The following CDH13 variants were observed in gnomAD, a reference collection of about 807,000 sequenced individuals.
CDH13 encodes cadherin-13.
A neutral mutation model predicts 63.8 loss-of-function variants in CDH13; 24 were observed. The ratio of observed to expected loss-of-function variants is 0.38; its 90% CI spans 0.27 to 0.53. The LOEUF is 0.53. Among genes scored for constraint, CDH13 ranks in the 20% least tolerant of loss-of-function variants. CDH13 has a pLI of 0.85. For synonymous variants in CDH13, 503 were observed against 355.3 expected (o/e 1.42, Z -4.67); for missense variants, 1,049 against 903.1 (o/e 1.16, Z -2.07).
chr16:82,936,222 C>G (rs1010263285), intron 2 of CDH13, among the ~76,000 whole-genome samples: 3 of 152,098 alleles, frequency 2.0e-5, no homozygotes, highest in Non-Finnish European at 4.4e-5. Flanking sequence ...GTCTGCAGCT[C>G]AACTTTACAT....
At chr16:83,541,848 A>G (rs1261693330) in intron 7 of CDH13, among the ~76,000 whole-genome samples, 2 of 152,252 alleles carry the variant, frequency 1.3e-5, no homozygotes, top group Non-Finnish European at 2.9e-5. Context: ...ATGAGAATGT[A>G]TAGAGCCCTA....
intron 7 of CDH13, among the ~76,000 whole-genome samples, chr16:83,527,131 A>C (rs370215812): frequency 2.9e-4 from 9 of 31,452 alleles, no homozygotes; most frequent in African/African-American, 7.6e-4. Context: ...ACTCTGTCTC[A>C]AAAAAAAAAA....
intron 2 of CDH13, among the ~76,000 whole-genome samples, chr16:82,960,660 C>T (rs1406187328): frequency 7.2e-5 from 11 of 152,134 alleles, no homozygotes; most frequent in Admixed American, 5.9e-4. Flanking sequence ...GGTACGGTAA[C>T]CACAAGAACG....
chr16:82,979,924 C>T (rs1402210131), intron 2 of CDH13, among the ~76,000 whole-genome samples: 5 of 152,174 alleles, frequency 3.3e-5, no homozygotes, highest in Admixed American at 6.5e-5. Context: ...TTTGGGGCCA[C>T]TTCCTTGGGT....
chr16:83,786,940 G>A (rs538245054), intron 13 of CDH13, among the ~76,000 whole-genome samples: 1 of 152,190 alleles, frequency 6.6e-6, no homozygotes, highest in African/African-American at 2.4e-5. Flanking sequence ...AGGTAAAATT[G>A]CCTATGTTTC....
Position 82,875,391 on chromosome 16 carries a change from A to C in CDH13, c.157+16918A>C, listed in dbSNP as rs2040470254. Among the ~76,000 whole-genome samples, 2 of 152,214 alleles carry C rather than the reference A, an allele frequency of 1.3e-5. 1 individual carries two copies. Among genetic ancestry groups the C allele is most frequent in the South Asian group, 4.1e-4 (2 of 4,830 alleles). ...GACTAACTCAAGACTTTAAAGAAAG[A>C]TACTTAATTAAAATAGAAGGAAGTT... On this transcript the variant is annotated intron_variant, in intron 2 of 13. Transcript: ENST00000567109.
chr16:83,399,288 G>T (rs1032468430), intron 6 of CDH13, among the ~76,000 whole-genome samples: 1 of 152,204 alleles, frequency 6.6e-6, no homozygotes, highest in Admixed American at 6.5e-5. Flanking sequence ...TCAATTAAGA[G>T]TACTTTGTAA....
At chr16:83,486,140 C>CGAAA (rs2073883067) in intron 6 of CDH13, among the ~76,000 whole-genome samples, 2 of 77,728 alleles carry the variant, frequency 2.6e-5, no homozygotes, top group African/African-American at 1.1e-4. Flanking sequence ...GAGACTCTGT[C>CGAAA]TAAAAAAATG....
chr16:83,087,671 C>CAAAAAAAA (rs67228844), intron 3 of CDH13, among the ~76,000 whole-genome samples: 13 of 44,000 alleles, frequency 3.0e-4, no homozygotes, highest in African/African-American at 1.1e-3. Flanking sequence ...CCCTCCGTCT[C>CAAAAAAAA]AAAAAAAAAA....
intron 7 of CDH13, among the ~76,000 whole-genome samples, chr16:83,524,431 T>C (rs2074909217): frequency 6.9e-6 from 1 of 145,454 alleles, no homozygotes; most frequent in African/African-American, 2.5e-5. Flanking sequence ...GAATTTCATG[T>C]CTTTTTCTTT....
Position 83,142,552 on chromosome 16 carries a change from C to A in CDH13, c.483+17051C>A, listed in dbSNP as rs182583272. Among the ~76,000 whole-genome samples the A allele has an allele frequency of 3.5e-4, 54 of 152,302 alleles. 1 individual carries two copies. The Middle Eastern group carries it at 0.01, about 29-fold the overall frequency. ...GGGAAGCTTTCCTCAATTCCCCAAACTGAATCAGGTCCTTCCTCATGTGTA... is the reference window on the plus strand; with the variant it reads ...GGGAAGCTTTCCTCAATTCCCCAAAATGAATCAGGTCCTTCCTCATGTGTA... On this transcript the variant is annotated intron_variant, in intron 4 of 13. Coordinates refer to ENST00000567109, the MANE Select transcript of CDH13 (RefSeq NM_001257.5).
intron 10 of CDH13, among the ~76,000 whole-genome samples, chr16:83,709,300 A>C (rs1199527431): frequency 3.9e-5 from 6 of 152,202 alleles, no homozygotes; most frequent in Non-Finnish European, 7.3e-5. Context: ...GTTTTAATCC[A>C]CTAGGTCTGT....
chr16:82,945,924 G>A (rs796571957), intron 2 of CDH13, among the ~76,000 whole-genome samples: 29 of 152,256 alleles, frequency 1.9e-4, no homozygotes, highest in African/African-American at 5.3e-4. Context: ...CAGTTTGGCT[G>A]TCATTTCCTC....
At chr16:82,679,711 C>G (rs1914335338) in intron 1 of CDH13, among the ~76,000 whole-genome samples, 1 of 152,184 alleles carries the variant, frequency 6.6e-6, no homozygotes, top group South Asian at 2.1e-4. Context: ...GACGTTAATA[C>G]CAACCTCATA....
At chr16:82,714,149 C>CCACAGGA (rs1458562582) in intron 1 of CDH13, among the ~76,000 whole-genome samples, 3 of 152,104 alleles carry the variant, frequency 2.0e-5, no homozygotes, top group African/African-American at 7.2e-5. Context: ...CTCCCAGCAG[C>CCACAGGA]CACAGGACAC....
chr16:83,040,135 A>C (rs1917210098), intron 3 of CDH13, among the ~76,000 whole-genome samples: 1 of 151,896 alleles, frequency 6.6e-6, no homozygotes, highest in Non-Finnish European at 1.5e-5. Flanking sequence ...CATGAATCCC[A>C]GTGCTGCATT....
intron 1 of CDH13, among the ~76,000 whole-genome samples, chr16:82,706,416 C>T (rs1362639445): frequency 6.6e-6 from 1 of 152,166 alleles, no homozygotes; most frequent in African/African-American, 2.4e-5. Flanking sequence ...GAGACAGACT[C>T]AGCAGCCGTT....
chr16:82,820,944 G>A (rs1597702468), intron 1 of CDH13, among the ~76,000 whole-genome samples: 1 of 152,094 alleles, frequency 6.6e-6, no homozygotes, highest in African/African-American at 2.4e-5. Flanking sequence ...AAGTCTGTGG[G>A]ACCTGCCTCT....
intron 10 of CDH13, among the ~76,000 whole-genome samples, chr16:83,679,444 C>G (rs893632945): frequency 6.6e-6 from 1 of 152,198 alleles, no homozygotes; most frequent in African/African-American, 2.4e-5. Flanking sequence ...TGAAAATGTG[C>G]AACAGGGACT....
Sources: gnomAD v4.1 joint callset for allele counts (sites outside exome capture counted in the v4.1 genomes callset) on GRCh38, gnomAD v4.1.1 for gene constraint, MANE v1.5 for transcripts, NCBI Gene and HGNC (gene_info 2026-07-23, HGNC 2026-07-21) for gene names.